Variants in CTNNA3 observed in about 807,000 individuals in gnomAD.
CTNNA3 encodes the protein catenin alpha 3, also known as catenin alpha-3.
In CTNNA3, 76 loss-of-function variants were observed where a neutral mutation model predicts 95.7. The observed-to-expected ratio is 0.79, with a 90% CI of 0.66 to 0.96. CTNNA3 has a LOEUF of 0.96. Among genes scored for constraint, CTNNA3 ranks in the 40% least tolerant of loss-of-function variants. The pLI is 0.00. For synonymous variants in CTNNA3, 431 were observed against 374.4 expected (o/e 1.15, Z -1.74); for missense variants, 1,191 against 1,089.8 (o/e 1.09, Z -1.31).
chr10:66,958,342 G>A (rs532810750), intron 7 of CTNNA3, among the ~76,000 whole-genome samples: 4 of 143,244 alleles, frequency 2.8e-5, no homozygotes, highest in Non-Finnish European at 4.5e-5. Flanking sequence ...AAATGCCTGT[G>A]CCTGAAGGTT....
At chr10:65,989,503 G>A (rs1466334235) in intron 15 of CTNNA3, among the ~76,000 whole-genome samples, 1 of 152,002 alleles carries the variant, frequency 6.6e-6, no homozygotes, top group Non-Finnish European at 1.5e-5. Context: ...TGTATCTAAC[G>A]ATTTATTTTT....
At chr10:66,942,850 T>A (rs1848080685) in intron 7 of CTNNA3, among the ~76,000 whole-genome samples, 1 of 152,182 alleles carries the variant, frequency 6.6e-6, no homozygotes, top group African/African-American at 2.4e-5. Flanking sequence ...TTTATGTTTT[T>A]AAAAATTCCA....
chr10:67,429,530 A>C (rs1009068455), intron 5 of CTNNA3, among the ~76,000 whole-genome samples: 7 of 152,054 alleles, frequency 4.6e-5, no homozygotes, highest in African/African-American at 1.7e-4. Flanking sequence ...TTAGCTAAAT[A>C]GAACTCATTA....
At chr10:67,220,826 T>A (rs971973652) in intron 5 of CTNNA3, among the ~76,000 whole-genome samples, 1 of 152,106 alleles carries the variant, frequency 6.6e-6, no homozygotes, top group African/African-American at 2.4e-5. Context: ...ATCAGTGATA[T>A]CACATGGATA....
chr10:66,918,836 G>T (rs1205752532), intron 7 of CTNNA3, among the ~76,000 whole-genome samples: 1 of 151,432 alleles, frequency 6.6e-6, no homozygotes, highest in Non-Finnish European at 1.5e-5. Flanking sequence ...AGAGAGAGAG[G>T]TTATAAAGAC....
rs546790412 is a variant in CTNNA3 at position 66,871,861 on chromosome 10, C to T, written c.1048-96337G>A. Among the ~76,000 whole-genome samples the T allele has an allele frequency of 2.2e-3, 333 of 152,208 alleles. 1 individual carries two copies. Among genetic ancestry groups the T allele is most frequent in the African/African-American group, 7.4e-3 (307 of 41,516 alleles). On this transcript the variant is annotated intron_variant, in intron 7 of 17. Transcript: ENST00000433211. ...TATGCTACTATCTCATAATTTTATA[C>T]GATAAATTTCATGCAAGTATTTCTG...
At chr10:67,097,626 G>A (rs752061648) in intron 7 of CTNNA3, 9 of 1,612,198 alleles carry the variant, frequency 5.6e-6, no homozygotes, top group South Asian at 4.4e-5. Context: ...TCTGGCATAC[G>A]ACCAGCCCAC....
intron 7 of CTNNA3, among the ~76,000 whole-genome samples, chr10:66,793,402 C>A (rs1841056417): frequency 6.6e-6 from 1 of 152,222 alleles, no homozygotes; most frequent in African/African-American, 2.4e-5. Context: ...CTCGGCCTCC[C>A]AAACTGTTAG....
chr10:67,489,805 T>TATATAC lies in CTNNA3; in HGVS notation c.579+32036_579+32037insGTATAT, dbSNP rs927605119. 7.5e-4 allele frequency among the ~76,000 whole-genome samples: 111 copies of TATATAC among 148,966 alleles called. 1 individual carries two copies. The highest frequency in any genetic ancestry group is 2.7e-3 in the African/African-American group (107 of 40,118). ...ACATGATTTTATATATATATATATA[T>TATATAC]ACACACATTAGGTGTGTGTATATAC... On this transcript the variant is annotated intron_variant, in intron 5 of 17. Coordinates refer to ENST00000433211, the MANE Select transcript of CTNNA3 (RefSeq NM_013266.4).
intron 9 of CTNNA3, among the ~76,000 whole-genome samples, chr10:66,630,699 T>C (rs1049919294): frequency 5.9e-5 from 9 of 152,188 alleles, no homozygotes; most frequent in Admixed American, 2.6e-4. Flanking sequence ...GAATGACCTC[T>C]GGCTAACAAG....
intron 13 of CTNNA3, among the ~76,000 whole-genome samples, chr10:66,236,868 A>G (rs780018525): frequency 5.3e-5 from 8 of 151,602 alleles, no homozygotes; most frequent in Middle Eastern, 3.4e-3. Context: ...CAATCCCAAC[A>G]CTTTAGGAGG....
intron 7 of CTNNA3, among the ~76,000 whole-genome samples, chr10:67,167,225 G>A (rs555257914): frequency 1.4e-4 from 21 of 152,278 alleles, no homozygotes; most frequent in African/African-American, 4.1e-4. Context: ...TCAAAGTTTG[G>A]CTGCAGTGGG....
chr10:67,696,074 T>C lies in CTNNA3; in HGVS notation c.-80A>G, dbSNP rs1840958908. 1 of 151,846 alleles carries C rather than the reference T, an allele frequency of 6.6e-6. No homozygotes were observed. The highest frequency in any genetic ancestry group is 2.1e-4 in the South Asian group (1 of 4,800). The allele number at this position is 151,846 out of a possible 1,614,324, so 9.4% of individuals were successfully genotyped here. ...AGGGAATTTTCCAAAAAGAGCTTTG[T>C]GGGGGACGGAAAAAGGCTTCTTGGT... On this transcript the variant is annotated 5_prime_UTR_variant, in exon 1 of 18. Transcript: ENST00000433211.
At chr10:66,612,158 T>C (rs566619219) in intron 10 of CTNNA3, among the ~76,000 whole-genome samples, 1 of 152,312 alleles carries the variant, frequency 6.6e-6, no homozygotes, top group East Asian at 1.9e-4. Flanking sequence ...TAATTTGTTT[T>C]CAGTTTCTGA....
chr10:67,413,267 ATCAT>A (rs975340566), intron 5 of CTNNA3, among the ~76,000 whole-genome samples: 11 of 152,272 alleles, frequency 7.2e-5, no homozygotes, highest in African/African-American at 2.2e-4. Flanking sequence ...TTCATGTTTC[ATCAT>A]TCATTCTTCA....
intron 16 of CTNNA3, among the ~76,000 whole-genome samples, chr10:65,971,164 C>T (rs1482803735): frequency 1.3e-5 from 2 of 151,674 alleles, no homozygotes; most frequent in Admixed American, 6.6e-5. Context: ...AGCAAAAGTG[C>T]TGTTAAGAGG....
chr10:66,222,368 A>C (rs1370987338), intron 13 of CTNNA3, among the ~76,000 whole-genome samples: 3 of 152,210 alleles, frequency 2.0e-5, no homozygotes, highest in South Asian at 2.1e-4. Flanking sequence ...CATTCTCTGC[A>C]TAGCTACTTA....
intron 11 of CTNNA3, among the ~76,000 whole-genome samples, chr10:66,490,186 A>G (rs1269898755): frequency 6.6e-6 from 1 of 152,110 alleles, no homozygotes; most frequent in Non-Finnish European, 1.5e-5. Flanking sequence ...TGAAGCCTTT[A>G]CCATTTAACT....
chr10:67,662,309 A>G (rs1245040025), intron 1 of CTNNA3, among the ~76,000 whole-genome samples: 1 of 152,224 alleles, frequency 6.6e-6, no homozygotes, highest in Non-Finnish European at 1.5e-5. Flanking sequence ...ATATATTGCA[A>G]TAAAAGTTAT....
Sources: allele counts gnomAD v4.1 joint callset (sites outside exome capture counted in the v4.1 genomes callset), GRCh38; gene constraint gnomAD v4.1.1; transcripts MANE v1.5; gene names NCBI Gene and HGNC (gene_info 2026-07-23, HGNC 2026-07-21).